The following MID2 variants were observed in gnomAD, a reference collection of about 807,000 sequenced individuals.
MID2 encodes midline 2, also known as probable E3 ubiquitin-protein ligase MID2.
A neutral mutation model predicts 46.1 loss-of-function variants in MID2; 13 were observed. The observed-to-expected ratio is 0.28, with a 90% CI of 0.18 to 0.45. MID2 has a LOEUF of 0.45. MID2 is among the 20% of genes least tolerant of loss of function. MID2 has a pLI of 1.00. For synonymous variants in MID2, 199 were observed against 212.3 expected, an observed-to-expected ratio of 0.94 and a Z score of 0.55; for missense variants, 431 against 575.4, an observed-to-expected ratio of 0.75 and a Z score of 2.57.
intron 3 of MID2, among the ~76,000 whole-genome samples, chrX:107,869,871 C>T (rs964750248): frequency 9.1e-6 from 1 of 110,268 alleles, no homozygotes; most frequent in East Asian, 2.8e-4. Flanking sequence ...ATCTGAGGCA[C>T]TTATATCTCC....
intron 3 of MID2, among the ~76,000 whole-genome samples, chrX:107,903,194 TA>T (rs1932808218): frequency 8.9e-6 from 1 of 111,826 alleles, no homozygotes; most frequent in Non-Finnish European, 1.9e-5. Flanking sequence ...TTTCCTGTTA[TA>T]CTTGGGCAGC....
At chrX:107,875,911 A>G (rs969923916) in intron 3 of MID2, among the ~76,000 whole-genome samples, 18 of 111,330 alleles carry the variant, frequency 1.6e-4, no homozygotes, top group African/African-American at 5.9e-4. Flanking sequence ...CTGGATGGTA[A>G]TGGTGGTCTG....
At chrX:107,846,094 G>A (rs1425092133) in intron 2 of MID2, among the ~76,000 whole-genome samples, 1 of 110,992 alleles carries the variant, frequency 9.0e-6, no homozygotes, top group African/African-American at 3.3e-5. Context: ...GATAATTTGG[G>A]TAGGAGGGGG....
At chrX:107,896,831 C>T (rs935533295) in intron 3 of MID2, among the ~76,000 whole-genome samples, 10 of 111,041 alleles carry the variant, frequency 9.0e-5, no homozygotes, top group South Asian at 7.6e-4. Context: ...CACACACACA[C>T]GCACGCATAC....
At chrX:107,909,245 C>A (rs1932863801) in intron 5 of MID2, among the ~76,000 whole-genome samples, 1 of 111,541 alleles carries the variant, frequency 9.0e-6, no homozygotes, top group African/African-American at 3.3e-5. Context: ...TTTTTCTCCA[C>A]TACTGAGGCA....
At chrX:107,899,686 G>A (rs1932779722) in intron 3 of MID2, among the ~76,000 whole-genome samples, 1 of 111,018 alleles carries the variant, frequency 9.0e-6, no homozygotes, top group Non-Finnish European at 1.9e-5. Context: ...GGGGTGGGTG[G>A]ATTTATACAA....
intron 3 of MID2, among the ~76,000 whole-genome samples, chrX:107,898,943 T>C (rs1165498764): frequency 9.0e-6 from 1 of 110,869 alleles, no homozygotes; most frequent in African/African-American, 3.3e-5. Context: ...TGAGTCTGGG[T>C]ATATGGGATC....
At chrX:107,829,249 T>A (rs559433621) in intron 1 of MID2, among the ~76,000 whole-genome samples, 30 of 112,080 alleles carry the variant, frequency 2.7e-4, no homozygotes, top group Admixed American at 6.6e-4. Context: ...TAAGCAGGAA[T>A]CTTAGCTTAC....
intron 5 of MID2, among the ~76,000 whole-genome samples, chrX:107,910,349 G>C (rs1875577125): frequency 8.9e-6 from 1 of 112,177 alleles, no homozygotes; most frequent in African/African-American, 3.2e-5. Flanking sequence ...TTCAGTGGCT[G>C]AAAGGTATTA....
chrX:107,909,894 A>G (rs1424302925), intron 5 of MID2, among the ~76,000 whole-genome samples: 1 of 112,187 alleles, frequency 8.9e-6, no homozygotes, highest in Non-Finnish European at 1.9e-5. Flanking sequence ...TTAATTGACA[A>G]ATCATAGTTG....
intron 2 of MID2, among the ~76,000 whole-genome samples, chrX:107,853,053 A>G (rs1274143336): frequency 9.0e-6 from 1 of 111,179 alleles, no homozygotes; most frequent in African/African-American, 3.3e-5. Flanking sequence ...GAGGAAAAGC[A>G]GCTACCAGGG....
intron 2 of MID2, among the ~76,000 whole-genome samples, chrX:107,842,391 G>C (rs1931366393): frequency 8.9e-6 from 1 of 111,896 alleles, no homozygotes; most frequent in Non-Finnish European, 1.9e-5. Flanking sequence ...AGATATTCTA[G>C]AAAAATAAAA....
At chrX:107,912,862 T>A (rs368108437) in intron 5 of MID2, among the ~76,000 whole-genome samples, 2 of 110,923 alleles carry the variant, frequency 1.8e-5, no homozygotes, top group African/African-American at 6.6e-5. Flanking sequence ...GGGTCTGAAA[T>A]TTTCCCCCAC....
chrX:107,852,619 G>A (rs1490029365), intron 2 of MID2, among the ~76,000 whole-genome samples: 3 of 111,511 alleles, frequency 2.7e-5, no homozygotes, highest in Non-Finnish European at 3.8e-5. Context: ...GAGAGACCTG[G>A]CAGGAAGGGT....
chrX:107,837,758 G>A (rs1931242220), intron 1 of MID2, among the ~76,000 whole-genome samples: 1 of 111,448 alleles, frequency 9.0e-6, no homozygotes, highest in East Asian at 2.8e-4. Flanking sequence ...ATGATTCTAA[G>A]CCCTAGTTTC....
In MID2 at chrX:107,854,656, A is replaced by G. The variant is rs763200942; in HGVS notation, c.768A>G (p.Glu256=). Residue 256 remains glutamate (E), a synonymous_variant, in exon 3 of 10, where the codon GAA becomes GAG. Transcript: ENST00000262843. ...CCAACCTGGTTAAGCGCAACAGCGA[A>G]CTAGAAAATCAAATGGCCAAACTAA... ...NLTNLVKRNS[E]LENQMAKLIQ... is the part of the protein sequence containing the mutation. 8.3e-7 allele frequency: 1 copy of G among 1,209,730 alleles called. No homozygotes were observed. Among genetic ancestry groups the G allele is most frequent in the East Asian group, 3.0e-5 (1 of 33,778 alleles).
rs780977961 is a variant in MID2, at chrX:107,874,631, C to G, written c.816+19927C>G. 4.4e-5 allele frequency among the ~76,000 whole-genome samples: 5 copies of G among 112,510 alleles called. No individual in the cohort carries two copies. In the East Asian group the frequency reaches 1.4e-3, roughly 31 times the overall value. On this transcript the variant is annotated intron_variant, in intron 3 of 9. Transcript: ENST00000262843. Reference sequence around the variant, plus strand: ...TTAAGCAAGGTTTGCTTTAGTTGGTCAGAGGCTTTTCTAGTCCCAGGTTCC... The same window carrying G: ...TTAAGCAAGGTTTGCTTTAGTTGGTGAGAGGCTTTTCTAGTCCCAGGTTCC...
chrX:107,877,758 T>C (rs1435144845), intron 3 of MID2, among the ~76,000 whole-genome samples: 2 of 111,976 alleles, frequency 1.8e-5, no homozygotes, highest in Non-Finnish European at 3.8e-5. Flanking sequence ...GTCCTACCCA[T>C]TTATACTGTG....
chrX:107,884,059 A>C (rs1932390119), intron 3 of MID2, among the ~76,000 whole-genome samples: 1 of 112,569 alleles, frequency 8.9e-6, no homozygotes. Flanking sequence ...TAAAAACTTA[A>C]GTCTTTAAAT....
Sources: gnomAD v4.1 joint callset for allele counts (sites outside exome capture counted in the v4.1 genomes callset) on GRCh38, gnomAD v4.1.1 for gene constraint, MANE v1.5 for transcripts, NCBI Gene and HGNC (gene_info 2026-07-23, HGNC 2026-07-21) for gene names.